Variants in SLC2A13 observed in about 807,000 individuals in gnomAD.
The protein encoded by SLC2A13 is proton myo-inositol cotransporter.
Under a neutral mutation model 64.4 loss-of-function variants are expected in SLC2A13, and 32 were observed. That is an observed-to-expected ratio of 0.50 (90% confidence interval 0.37 to 0.67). The LOEUF (loss-of-function observed/expected upper bound fraction) is 0.67, where lower values mean the gene tolerates loss of function less well. SLC2A13 is among the 30% of genes least tolerant of loss of function. The pLI, the probability that SLC2A13 is intolerant of heterozygous loss-of-function variation, is 0.00. For missense variants in SLC2A13, 743 were observed against 829.2 expected (o/e 0.90, Z 1.28); for synonymous variants, 338 against 327.1 (o/e 1.03, Z -0.36).
At chr12:40,070,911 T>C (rs1046073592) in intron 1 of SLC2A13, among the ~76,000 whole-genome samples, 2 of 152,138 alleles carry the variant, frequency 1.3e-5, no homozygotes, top group Non-Finnish European at 2.9e-5. Context: ...CTTCGGAATA[T>C]AAGCAGGACA....
At chr12:39,842,524 A>G (rs1301344306) in intron 6 of SLC2A13, among the ~76,000 whole-genome samples, 3 of 152,118 alleles carry the variant, frequency 2.0e-5, no homozygotes, top group Non-Finnish European at 1.5e-5. Context: ...AAGATACAGT[A>G]GGAGGCAATG....
At chr12:39,957,781 G>A (rs914978070) in intron 3 of SLC2A13, among the ~76,000 whole-genome samples, 1 of 152,016 alleles carries the variant, frequency 6.6e-6, no homozygotes, top group Non-Finnish European at 1.5e-5. Context: ...GATTTCTCCT[G>A]TCTCTCTGGC....
chr12:39,824,424 C>A (rs1942610991), intron 7 of SLC2A13, among the ~76,000 whole-genome samples: 1 of 152,202 alleles, frequency 6.6e-6, no homozygotes, highest in Admixed American at 6.5e-5. Flanking sequence ...ACCACCCATC[C>A]AAGAGGGTCT....
intron 7 of SLC2A13, among the ~76,000 whole-genome samples, chr12:39,794,452 A>G (rs1302217042): frequency 6.6e-6 from 1 of 152,186 alleles, no homozygotes; most frequent in Non-Finnish European, 1.5e-5. Context: ...TTCCCCATAC[A>G]TAATTAACTA....
At chr12:40,047,366 T>C (rs926583618) in intron 2 of SLC2A13, among the ~76,000 whole-genome samples, 3 of 152,212 alleles carry the variant, frequency 2.0e-5, no homozygotes, top group Admixed American at 6.5e-5. Flanking sequence ...GAAAACAAGA[T>C]AGGCAATATT....
chr12:39,972,031 T>TAA (rs1946665996), intron 3 of SLC2A13, among the ~76,000 whole-genome samples: 3 of 121,270 alleles, frequency 2.5e-5, no homozygotes, highest in South Asian at 5.7e-4. Flanking sequence ...TTTATATAAA[T>TAA]ATATATATAA....
chr12:39,821,184 C>T (rs1942497378), intron 7 of SLC2A13, among the ~76,000 whole-genome samples: 1 of 152,020 alleles, frequency 6.6e-6, no homozygotes, highest in Admixed American at 6.6e-5. Flanking sequence ...GAGACCAAGG[C>T]GGGCGGATCA....
intron 6 of SLC2A13, among the ~76,000 whole-genome samples, chr12:39,850,611 T>A (rs1182563504): frequency 6.6e-6 from 1 of 152,224 alleles, no homozygotes; most frequent in East Asian, 1.9e-4. Context: ...ATACGGTAAT[T>A]GCCAAAAATT....
intron 3 of SLC2A13, among the ~76,000 whole-genome samples, chr12:40,009,351 T>C (rs1947481312): frequency 6.6e-6 from 1 of 152,200 alleles, no homozygotes; most frequent in African/African-American, 2.4e-5. Context: ...AATAGAATGT[T>C]TATGGCTTTA....
intron 4 of SLC2A13, among the ~76,000 whole-genome samples, chr12:39,942,414 G>C (rs1212812332): frequency 6.6e-6 from 1 of 152,138 alleles, no homozygotes; most frequent in Non-Finnish European, 1.5e-5. Context: ...TTTCCCTGTA[G>C]AGGTCTTTCA....
intron 1 of SLC2A13, among the ~76,000 whole-genome samples, chr12:40,080,397 T>G (rs1938349334): frequency 6.6e-6 from 1 of 152,132 alleles, no homozygotes; most frequent in Non-Finnish European, 1.5e-5. Flanking sequence ...TTCAAGGTTT[T>G]GTTTTGTTTT....
chr12:40,048,282 A>G, intron 1 of SLC2A13, 72 bp from the exon 2 acceptor site: 1 of 1,449,688 alleles, frequency 6.9e-7, no homozygotes. Context: ...CTAATGCTAG[A>G]TTTAGGCATA....
chr12:39,888,315 C>T (rs896029192), intron 4 of SLC2A13, among the ~76,000 whole-genome samples: 182 of 152,318 alleles, frequency 1.2e-3, no homozygotes, highest in African/African-American at 4.2e-3. Context: ...ACCTCCGCTT[C>T]CCAGGTTCAA....
intron 3 of SLC2A13, among the ~76,000 whole-genome samples, chr12:39,989,847 A>G (rs1947102169): frequency 6.6e-6 from 1 of 152,236 alleles, no homozygotes; most frequent in Non-Finnish European, 1.5e-5. Context: ...GAAAATTGCC[A>G]CTGCTGTCAG....
chr12:39,900,005 C>T (rs1197957016), intron 4 of SLC2A13, among the ~76,000 whole-genome samples: 2 of 151,302 alleles, frequency 1.3e-5, no homozygotes, highest in Non-Finnish European at 3.0e-5. Flanking sequence ...ATCAAGTGGG[C>T]TTCATCCCTG....
At chr12:39,812,835 CT>C (rs780822070) in intron 7 of SLC2A13, among the ~76,000 whole-genome samples, 3,588 of 127,930 alleles carry the variant, frequency 0.028, 42 homozygotes, top group African/African-American at 0.034. Flanking sequence ...GTAGTATTAC[CT>C]TTTTTTTTTT....
intron 6 of SLC2A13, among the ~76,000 whole-genome samples, chr12:39,852,130 C>T (rs376791740): frequency 6.6e-6 from 1 of 152,120 alleles, no homozygotes; most frequent in Non-Finnish European, 1.5e-5. Flanking sequence ...TCTAATACTG[C>T]TTGTTATGAG....
chr12:39,883,618 G>T (rs1161288262), intron 4 of SLC2A13, among the ~76,000 whole-genome samples: 2 of 152,170 alleles, frequency 1.3e-5, no homozygotes, highest in African/African-American at 4.8e-5. Context: ...CACTGCTCTT[G>T]GCACTGACTC....
intron 2 of SLC2A13, among the ~76,000 whole-genome samples, chr12:40,043,992 T>C (rs577409894): frequency 6.6e-6 from 1 of 152,310 alleles, no homozygotes; most frequent in South Asian, 2.1e-4. Flanking sequence ...CACAGATAGG[T>C]GTATATCCAA....
Sources: gnomAD v4.1 joint callset for allele counts (sites outside exome capture counted in the v4.1 genomes callset) on GRCh38, gnomAD v4.1.1 for gene constraint, MANE v1.5 for transcripts, NCBI Gene and HGNC (gene_info 2026-07-23, HGNC 2026-07-21) for gene names.